Variants in LINC00632 observed in about 807,000 individuals in gnomAD.
LINC00632 encodes the protein ALDOA related specific transcript.
intron 2 of LINC00632, among the ~76,000 whole-genome samples, chrX:140,716,839 T>C (rs915826603): frequency 6.5e-5 from 7 of 108,449 alleles, no homozygotes; most frequent in Non-Finnish European, 1.3e-4. Context: ...CCTAACCTCA[T>C]AGATATGCCC....
intron 3 of LINC00632, among the ~76,000 whole-genome samples, chrX:140,756,326 G>C (rs1176695492): frequency 8.9e-6 from 1 of 112,592 alleles, no homozygotes; most frequent in Non-Finnish European, 1.9e-5. Flanking sequence ...TACTTAGGTA[G>C]TTGTGGCTAC....
chrX:140,760,047 CAAG>C (rs1003119307), intron 3 of LINC00632, among the ~76,000 whole-genome samples: 1 of 111,706 alleles, frequency 9.0e-6, no homozygotes, highest in African/African-American at 3.3e-5. Flanking sequence ...TATTTGATCT[CAAG>C]GAGTTTATCC....
intron 3 of LINC00632, among the ~76,000 whole-genome samples, chrX:140,745,853 T>C (rs181335826): frequency 8.9e-6 from 1 of 112,063 alleles, no homozygotes; most frequent in African/African-American, 3.2e-5. Flanking sequence ...CAAGAAAATA[T>C]GGAAAAATGC....
chrX:140,717,399 A>G (rs185978826), intron 2 of LINC00632, among the ~76,000 whole-genome samples: 164 of 110,739 alleles, frequency 1.5e-3, no homozygotes, highest in African/African-American at 5.2e-3. Flanking sequence ...CAGGCCCCAT[A>G]CCACACAGAT....
At chrX:140,772,182 A>T (rs978447018) in exon 4 of LINC00632, 1 of 294,089 alleles carries the variant, frequency 3.4e-6, no homozygotes, top group Admixed American at 6.3e-5. Context: ...AGTTTCCCTA[A>T]GTCCGCGCCT....
chrX:140,743,985 C>A (rs1931283068), intron 3 of LINC00632, among the ~76,000 whole-genome samples: 1 of 111,585 alleles, frequency 9.0e-6, no homozygotes, highest in South Asian at 3.8e-4. Context: ...TGTTTCCTGG[C>A]TAAAATGATA....
chrX:140,723,290 G>GACACATTCCA (rs1930766670), intron 2 of LINC00632, among the ~76,000 whole-genome samples: 2 of 7,480 alleles, frequency 2.7e-4, no homozygotes, highest in African/African-American at 9.9e-4. Flanking sequence ...TTCCATACAC[G>GACACATTCCA]TGCACACACA....
Position 140,752,795 on chromosome X carries a change from A to C in LINC00632, n.191+18831A>C, listed in dbSNP as rs895313302. ...TCATCTGTGTGTCCTTTTCTCACAT[A>C]CATCTACTCAAAATGATATAATGAC... is the stretch of plus-strand genomic sequence containing the variant. On this transcript the variant is annotated intron_variant and non_coding_transcript_variant, in intron 3 of 4. Coordinates refer to ENST00000648200, the Ensembl canonical transcript of LINC00632. Among the ~76,000 whole-genome samples the C allele has an allele frequency of 2.2e-4, 24 of 111,424 alleles. 1 individual carries two copies. The highest frequency in any genetic ancestry group is 7.8e-4 in the African/African-American group (24 of 30,706).
intron 3 of LINC00632, among the ~76,000 whole-genome samples, chrX:140,739,095 G>A (rs941909160): frequency 9.0e-6 from 1 of 111,104 alleles, no homozygotes; most frequent in Non-Finnish European, 1.9e-5. Flanking sequence ...GTACCTAGAC[G>A]CTTTCCCATA....
In LINC00632 at chrX:140,786,976, GTAAAC is replaced by G. The variant is rs200966610; in HGVS notation, n.14999_15003del. Among the ~76,000 whole-genome samples, 758 of 111,623 alleles carry G rather than the reference GTAAAC, an allele frequency of 6.8e-3. 3 individuals are homozygous for G. Among genetic ancestry groups the G allele is most frequent in the African/African-American group, 0.023 (712 of 30,849 alleles). ...ACTAGAAGTAAATGTATTGGGGACT[GTAAAC>G]TAATTATTACTGGATGGGTTGCATT... On this transcript the variant is annotated non_coding_transcript_exon_variant, in exon 5 of 5. Transcript: ENST00000648200.
chrX:140,727,248 G>A (rs1868980157), intron 2 of LINC00632, among the ~76,000 whole-genome samples: 1 of 111,372 alleles, frequency 9.0e-6, no homozygotes, highest in African/African-American at 3.3e-5. Context: ...CATGCTCCAT[G>A]ACATAAGACT....
chrX:140,710,467 T>A (rs1009261864), intron 1 of LINC00632, among the ~76,000 whole-genome samples: 1 of 110,340 alleles, frequency 9.1e-6, no homozygotes, highest in Non-Finnish European at 1.9e-5. Flanking sequence ...TTGGAAAAAA[T>A]TAATTTGTAT....
At chrX:140,771,946 C>A (rs1371425135) in intron 3 of LINC00632, 1 of 169,465 alleles carries the variant, frequency 5.9e-6, no homozygotes, top group Non-Finnish European at 1.1e-5. Context: ...ACCCAAAGTG[C>A]CGGGATTACA....
chrX:140,718,752 T>C (rs1159420163), intron 2 of LINC00632, among the ~76,000 whole-genome samples: 2 of 112,008 alleles, frequency 1.8e-5, no homozygotes, highest in South Asian at 3.7e-4. Context: ...ATCTATCATA[T>C]AGAGTTTCTG....
At chrX:140,719,365 C>A (rs1184629032) in intron 2 of LINC00632, among the ~76,000 whole-genome samples, 1 of 110,209 alleles carries the variant, frequency 9.1e-6, no homozygotes, top group Non-Finnish European at 1.9e-5. Flanking sequence ...GTGGCATGAT[C>A]TCAGATCACT....
exon 5 of LINC00632, among the ~76,000 whole-genome samples, chrX:140,788,270 CATT>C (rs1932046626): frequency 9.1e-6 from 1 of 109,838 alleles, no homozygotes; most frequent in African/African-American, 3.3e-5. Flanking sequence ...TGGTTGGTGT[CATT>C]ATGTAATTGA....
intron 3 of LINC00632, among the ~76,000 whole-genome samples, chrX:140,736,012 G>A: frequency 8.9e-6 from 1 of 111,772 alleles, no homozygotes; most frequent in Non-Finnish European, 1.9e-5. Context: ...CAGAAAAAGT[G>A]TCTGACTTCA....
intron 2 of LINC00632, among the ~76,000 whole-genome samples, chrX:140,716,575 G>A (rs908170107): frequency 2.7e-5 from 3 of 110,038 alleles, no homozygotes; most frequent in African/African-American, 6.6e-5. Context: ...AGAAACACTC[G>A]ACAGCACACA....
intron 2 of LINC00632, among the ~76,000 whole-genome samples, chrX:140,733,298 A>G (rs1453191298): frequency 8.9e-6 from 1 of 112,296 alleles, no homozygotes; most frequent in African/African-American, 3.2e-5. Flanking sequence ...AAATAGAAAC[A>G]TGTGCATAGC....
Sources: allele counts gnomAD v4.1 joint callset (sites outside exome capture counted in the v4.1 genomes callset), GRCh38; gene constraint gnomAD v4.1.1; transcripts MANE v1.5; gene names NCBI Gene and HGNC (gene_info 2026-07-23, HGNC 2026-07-21).